The following MTUS2 variants were observed in gnomAD, a reference collection of about 807,000 sequenced individuals.
The protein encoded by MTUS2 is microtubule associated scaffold protein 2, also known as microtubule-associated tumor suppressor candidate 2.
MTUS2 carries 40 observed loss-of-function variants against 114.1 expected under a neutral mutation model. The ratio of observed to expected loss-of-function variants is 0.35; its 90% CI spans 0.27 to 0.46. The LOEUF (loss-of-function observed/expected upper bound fraction) is 0.46. Among genes scored for constraint, MTUS2 ranks in the 20% least tolerant of loss-of-function variants. MTUS2 has a pLI of 1.00. For synonymous variants in MTUS2, 688 were observed against 672.0 expected, an observed-to-expected ratio of 1.02 and a Z score of -0.37; for missense variants, 1,679 against 1,705.4, an observed-to-expected ratio of 0.98 and a Z score of 0.27.
intron 5 of MTUS2, among the ~76,000 whole-genome samples, chr13:29,186,349 C>T (rs1027191158): frequency 1.3e-5 from 2 of 152,056 alleles, no homozygotes; most frequent in Non-Finnish European, 2.9e-5. Context: ...AAAAAATGAT[C>T]CAACTGTATG....
chr13:29,166,969 C>T (rs1893341440), intron 5 of MTUS2, among the ~76,000 whole-genome samples: 1 of 152,172 alleles, frequency 6.6e-6, no homozygotes, highest in South Asian at 2.1e-4. Flanking sequence ...ATAGGAAGAA[C>T]AGAAGTATCT....
chr13:29,064,676 A>G (rs1888581429), intron 4 of MTUS2, among the ~76,000 whole-genome samples: 1 of 152,076 alleles, frequency 6.6e-6, no homozygotes, highest in African/African-American at 2.4e-5. Flanking sequence ...GCAGGTTGTT[A>G]TATAGGTTAG....
Position 29,068,393 on chromosome 13 carries a change from A to G in MTUS2, c.2447-32380A>G, listed in dbSNP as rs992765831. On this transcript the variant is annotated intron_variant, in intron 4 of 15. Coordinates refer to ENST00000612955, the MANE Select transcript of MTUS2 (RefSeq NM_001033602.4). ...AAGTTTCCTCCGTCTACACCCAGAG[A>G]GTCAGCTTCAGTGGCTCTGGAGTGT... 3.9e-5 allele frequency among the ~76,000 whole-genome samples: 6 copies of G among 151,900 alleles called. No individual in the cohort carries two copies. In the East Asian group the frequency reaches 1.2e-3, roughly 29 times the overall value.
At chr13:28,915,322 T>C (rs1880685089) in intron 2 of MTUS2, among the ~76,000 whole-genome samples, 1 of 151,974 alleles carries the variant, frequency 6.6e-6, no homozygotes, top group African/African-American at 2.4e-5. Context: ...AGCAGTGGAA[T>C]TGGTGGATTG....
At chr13:29,056,464 G>A (rs902697395) in intron 4 of MTUS2, among the ~76,000 whole-genome samples, 4 of 152,072 alleles carry the variant, frequency 2.6e-5, no homozygotes, top group Admixed American at 6.5e-5. Flanking sequence ...GAATGCATTT[G>A]GTCCTGGGTC....
chr13:28,934,815 A>G (rs1404781509), intron 2 of MTUS2, among the ~76,000 whole-genome samples: 1 of 152,164 alleles, frequency 6.6e-6, no homozygotes, highest in African/African-American at 2.4e-5. Flanking sequence ...TTACTTTTGT[A>G]TTCAGTTATA....
intron 7 of MTUS2, among the ~76,000 whole-genome samples, chr13:29,331,598 G>T (rs912029153): frequency 2.0e-5 from 3 of 152,196 alleles, no homozygotes; most frequent in African/African-American, 7.2e-5. Flanking sequence ...ATACTATGTT[G>T]AATAGGAGTG....
chr13:28,956,039 A>T (rs1883044816), intron 2 of MTUS2, among the ~76,000 whole-genome samples: 1 of 150,376 alleles, frequency 6.6e-6, no homozygotes, highest in African/African-American at 2.5e-5. Flanking sequence ...CCATATTTGT[A>T]GTCTTCTGTC....
At chr13:28,838,800 A>G (rs532811625) in intron 1 of MTUS2, among the ~76,000 whole-genome samples, 49 of 152,324 alleles carry the variant, frequency 3.2e-4, no homozygotes, top group Admixed American at 1.0e-3. Context: ...GGAAGAAAGA[A>G]TTGAAAAGAT....
intron 2 of MTUS2, among the ~76,000 whole-genome samples, chr13:28,885,240 T>C (rs1458952178): frequency 3.3e-5 from 5 of 152,182 alleles, no homozygotes; most frequent in Admixed American, 6.5e-5. Context: ...TTGGCGAGAA[T>C]ACAGACATAT....
intron 4 of MTUS2, among the ~76,000 whole-genome samples, chr13:29,040,532 TC>T (rs1279905920): frequency 5.3e-5 from 8 of 152,338 alleles, no homozygotes; most frequent in African/African-American, 1.9e-4. Context: ...TTAAGGAGTC[TC>T]CACACTGCTT....
chr13:29,303,869 G>T (rs561283510), intron 6 of MTUS2, among the ~76,000 whole-genome samples: 1 of 152,266 alleles, frequency 6.6e-6, no homozygotes, highest in East Asian at 1.9e-4. Context: ...AAGAAAAAAT[G>T]TTAAGGGCAG....
At chr13:28,911,173 CTT>C (rs35468877) in intron 2 of MTUS2, among the ~76,000 whole-genome samples, 206 of 79,628 alleles carry the variant, frequency 2.6e-3, no homozygotes, top group African/African-American at 0.01. Flanking sequence ...CTGCGCCCTG[CTT>C]TTTTTTTTTT....
intron 7 of MTUS2, among the ~76,000 whole-genome samples, chr13:29,350,146 AC>A (rs918970557): frequency 1.3e-5 from 2 of 152,034 alleles, no homozygotes; most frequent in African/African-American, 4.8e-5. Context: ...TCTTAAAATA[AC>A]ATTTATTTAC....
intron 8 of MTUS2, among the ~76,000 whole-genome samples, chr13:29,435,045 C>T (rs1877304454): frequency 6.6e-6 from 1 of 152,184 alleles, no homozygotes; most frequent in Admixed American, 6.5e-5. Flanking sequence ...TGCATTCCAT[C>T]TGTGAATAAG....
chr13:29,259,094 T>C (rs1322796912), intron 5 of MTUS2, among the ~76,000 whole-genome samples: 1 of 152,226 alleles, frequency 6.6e-6, no homozygotes, highest in Non-Finnish European at 1.5e-5. Context: ...TTGCATGTAT[T>C]TTTTAAAACA....
chr13:28,933,817 C>A lies in MTUS2; in HGVS notation c.-242-90640C>A, dbSNP rs202093103. On this transcript the variant is annotated intron_variant, in intron 2 of 15. Transcript: ENST00000612955. ...GTCCGTTCCAGAGACCTTACTATTT[C>A]CACTCTCTGTGCTGCCTCTCAAGGG... 2.6e-5 allele frequency among the ~76,000 whole-genome samples: 4 copies of A among 152,326 alleles called. No homozygotes were observed. The South Asian group carries it at 6.2e-4, about 24-fold the overall frequency.
At chr13:29,012,229 G>T (rs948172364) in intron 2 of MTUS2, among the ~76,000 whole-genome samples, 3 of 152,148 alleles carry the variant, frequency 2.0e-5, no homozygotes, top group Non-Finnish European at 4.4e-5. Context: ...GCGAAGCTTG[G>T]TGGAGAGTGG....
intron 8 of MTUS2, among the ~76,000 whole-genome samples, chr13:29,429,866 G>A (rs1247009349): frequency 6.6e-6 from 1 of 152,156 alleles, no homozygotes; most frequent in Non-Finnish European, 1.5e-5. Context: ...TCACTTGGGA[G>A]CATCTTAGTT....
Sources: allele counts gnomAD v4.1 joint callset (sites outside exome capture counted in the v4.1 genomes callset), GRCh38; gene constraint gnomAD v4.1.1; transcripts MANE v1.5; gene names NCBI Gene and HGNC (gene_info 2026-07-23, HGNC 2026-07-21).